BRINP2: variants seen among roughly 807,000 people sequenced by gnomAD.
BRINP2 encodes the protein BMP/retinoic acid inducible neural specific 2, also known as BMP/retinoic acid-inducible neural-specific protein 2.
A neutral mutation model predicts 69.2 loss-of-function variants in BRINP2; 21 were observed. That is an observed-to-expected ratio of 0.30 (90% CI 0.22 to 0.44). The LOEUF (loss-of-function observed/expected upper bound fraction) is 0.44, where lower values mean the gene tolerates loss of function less well. Ranked by LOEUF, BRINP2 falls within the 20% of genes least tolerant of loss-of-function variation. BRINP2 has a pLI of 1.00. For missense variants in BRINP2, 877 were observed against 986.0 expected, an observed-to-expected ratio of 0.89 and a Z score of 1.48; for synonymous variants, 380 against 394.1, an observed-to-expected ratio of 0.96 and a Z score of 0.42.
rs1056622554 is a variant in BRINP2, at chr1:177,171,672, C to T, written c.-137C>T. 9.9e-5 allele frequency: 15 copies of T among 152,226 alleles called. No homozygotes were observed. The highest frequency in any genetic ancestry group is 3.4e-4 in the African/African-American group (14 of 41,440). 9.4% of individuals were successfully genotyped at this position (152,226 alleles called of 1,614,324 possible). A position where few individuals can be genotyped will look rare whatever the true frequency, so the allele number is the denominator to read the frequency against. ...CTGGAATCTTTTAGGAGTCTCCTCC[C>T]AGTCGTTGAAGGTTTGGGGAGCAGC... is the stretch of plus-strand genomic sequence containing the variant. On this transcript the variant is annotated 5_prime_UTR_variant, in exon 1 of 8. Coordinates refer to ENST00000361539, the MANE Select transcript of BRINP2 (RefSeq NM_021165.4).
chr1:177,216,353 A>T (rs1390014798), intron 1 of BRINP2, among the ~76,000 whole-genome samples: 1 of 152,082 alleles, frequency 6.6e-6, no homozygotes, highest in East Asian at 1.9e-4. Flanking sequence ...CTAACAGTTT[A>T]GCTTTGATTG....
At chr1:177,246,818 T>A (rs1234211323) in intron 2 of BRINP2, among the ~76,000 whole-genome samples, 2 of 152,248 alleles carry the variant, frequency 1.3e-5, no homozygotes, top group African/African-American at 4.8e-5. Flanking sequence ...ATTAATCATG[T>A]CTTATTCATT....
chr1:177,215,656 C>CT (rs201031528), intron 1 of BRINP2, among the ~76,000 whole-genome samples: 2 of 151,988 alleles, frequency 1.3e-5, no homozygotes, highest in African/African-American at 4.8e-5. Flanking sequence ...TTCACTTTTT[C>CT]TTTTTTTAAA....
At position 177,276,404 on chromosome 1, in the gene BRINP2, G is replaced by A. The variant is rs773842987; in HGVS notation, c.982G>A (p.Ala328Thr). Residue 328 changes from alanine to threonine, a missense_variant, in exon 6 of 8, where the codon GCC becomes ACC. This residue lies in a region of BRINP2 where 566 missense variants were observed against 625.2 expected (regional missense o/e 0.91). Coordinates refer to ENST00000361539, the MANE Select transcript of BRINP2 (RefSeq NM_021165.4). ...CCTGCTGCAGATCCAGGACTCCTGG[G>A]CCACTCACAACCGGCAGTTTGAAGA... ...DSLLQIQDSW[A>T]THNRQFEESE... The A allele has an allele frequency of 2.5e-6, 4 of 1,614,026 alleles. No individual in the cohort carries two copies. The East Asian group carries it at 8.9e-5, about 36-fold the overall frequency.
intron 2 of BRINP2, 85 bp from the exon 3 acceptor site, chr1:177,255,834 A>C: frequency 7.3e-7 from 1 of 1,367,660 alleles, no homozygotes; most frequent in Non-Finnish European, 1.0e-6. Context: ...CTGCAAGTGG[A>C]GGAAGAACAT....
chr1:177,184,428 CT>C (rs1648366902), intron 1 of BRINP2, among the ~76,000 whole-genome samples: 1 of 152,114 alleles, frequency 6.6e-6, no homozygotes, highest in African/African-American at 2.4e-5. Flanking sequence ...ACAAACAAAA[CT>C]GATATCTTGG....
intron 2 of BRINP2, among the ~76,000 whole-genome samples, chr1:177,235,938 G>C (rs1650007529): frequency 6.6e-6 from 1 of 152,146 alleles, no homozygotes; most frequent in Non-Finnish European, 1.5e-5. Context: ...CTTTTCACTG[G>C]GTTTGCGTTT....
intron 1 of BRINP2, among the ~76,000 whole-genome samples, chr1:177,188,900 C>T (rs760767376): frequency 1.3e-5 from 2 of 152,098 alleles, no homozygotes; most frequent in Non-Finnish European, 2.9e-5. Context: ...CAGTAAAACT[C>T]ACCCTATTCA....
At position 177,200,250 on chromosome 1, in the gene BRINP2, C is replaced by T. The variant is rs1648864066; in HGVS notation, c.-77+28518C>T. On this transcript the variant is annotated intron_variant, in intron 1 of 7. Transcript: ENST00000361539. ...GAGGTTGCAGTGAGCTGAGATTGCG[C>T]CCTTGCTCTCCAGCCTGGGCAACAG... Among the ~76,000 whole-genome samples, 3 of 129,972 alleles carry T rather than the reference C, an allele frequency of 2.3e-5. No individual in the cohort carries two copies. In the South Asian group the frequency reaches 7.3e-4, roughly 31 times the overall value. 85.3% of individuals were successfully genotyped at this position (129,972 alleles called of 152,430 possible).
At chr1:177,276,460 C>T in intron 6 of BRINP2, 26 bp downstream of exon 6, 2 of 1,599,480 alleles carry the variant, frequency 1.3e-6, no homozygotes, top group Non-Finnish European at 1.7e-6. Flanking sequence ...TCCTCCCTGT[C>T]AATGAGAGGT....
chr1:177,273,714 G>A, intron 5 of BRINP2, 121 bp downstream of exon 5: 1 of 577,140 alleles, frequency 1.7e-6, no homozygotes, highest in Non-Finnish European at 3.0e-6. Flanking sequence ...CTTAAGACAA[G>A]AACTACCACA....
At chr1:177,263,774 A>G (rs1308747399) in intron 4 of BRINP2, among the ~76,000 whole-genome samples, 1 of 152,128 alleles carries the variant, frequency 6.6e-6, no homozygotes, top group Non-Finnish European at 1.5e-5. Flanking sequence ...TTGAGAGACT[A>G]GTATCTTAGA....
intron 2 of BRINP2, among the ~76,000 whole-genome samples, chr1:177,245,759 T>G (rs2102337073): frequency 6.6e-6 from 1 of 152,256 alleles, no homozygotes; most frequent in South Asian, 2.1e-4. Flanking sequence ...GTCTGTTGTC[T>G]TTCATGTTGA....
At chr1:177,228,812 G>C (rs1649777410) in intron 1 of BRINP2, among the ~76,000 whole-genome samples, 1 of 152,208 alleles carries the variant, frequency 6.6e-6, no homozygotes, top group Non-Finnish European at 1.5e-5. Flanking sequence ...GCTGTTCTCA[G>C]ACCAAAGAGT....
intron 1 of BRINP2, among the ~76,000 whole-genome samples, chr1:177,196,487 G>T (rs1037634055): frequency 6.6e-6 from 1 of 152,080 alleles, no homozygotes; most frequent in East Asian, 1.9e-4. Context: ...ATGTGGTGGT[G>T]CATGCCTGTA....
At position 177,276,231 on chromosome 1, in the gene BRINP2, A is replaced by C; in HGVS notation, c.809A>C (p.Glu270Ala). 1.2e-6 allele frequency: 2 copies of C among 1,614,070 alleles called. No individual in the cohort carries two copies. Among genetic ancestry groups the C allele is most frequent in the Non-Finnish European group, 1.7e-6 (2 of 1,179,994 alleles). ...GTGCTGCTGCCTGAGTATCTGCGTG[A>C]GCGCTTTGTAGCTGCAGCACTCAGC... is the stretch of plus-strand genomic sequence containing the variant. The part of the protein sequence containing the change: ...LQVLLPEYLR[E>A]RFVAAALSYI... The change falls in exon 6 of 8, where the codon GAG (glutamate) becomes GCG (alanine). Residue 270 changes from glutamate to alanine, a missense_variant. Glu to Ala is a moderately radical substitution (Grantham distance 107, BLOSUM62 -1). Transcript: ENST00000361539.
chr1:177,216,180 G>A (rs1649369912), intron 1 of BRINP2, among the ~76,000 whole-genome samples: 1 of 151,918 alleles, frequency 6.6e-6, no homozygotes, highest in African/African-American at 2.4e-5. Context: ...TTGTTTTGTG[G>A]ATATTTTCTT....
intron 2 of BRINP2, among the ~76,000 whole-genome samples, chr1:177,247,279 TC>T (rs1558175470): frequency 6.6e-6 from 1 of 152,232 alleles, no homozygotes; most frequent in African/African-American, 2.4e-5. Flanking sequence ...TTTTCCTCTG[TC>T]CAGTTGGCAA....
intron 3 of BRINP2, chr1:177,256,973 G>T: frequency 6.8e-7 from 1 of 1,466,232 alleles, no homozygotes. Context: ...TTGGAAGAGG[G>T]CCTTTCAGGC....
Sources: gnomAD v4.1 joint callset for allele counts (sites outside exome capture counted in the v4.1 genomes callset) on GRCh38, gnomAD v4.1.1 for gene constraint, gnomAD v4.1.1 regional missense constraint, MANE v1.5 for transcripts, NCBI Gene and HGNC (gene_info 2026-07-23, HGNC 2026-07-21) for gene names.